CCDC171: variants seen among roughly 807,000 people sequenced by gnomAD.
The protein encoded by CCDC171 is coiled-coil domain containing 171, also known as coiled-coil domain-containing protein 171.
Under a neutral mutation model 168.2 loss-of-function variants are expected in CCDC171, and 177 were observed. The observed-to-expected ratio is 1.05, with a 90% CI of 0.93 to 1.19. The LOEUF (loss-of-function observed/expected upper bound fraction) is 1.19, where lower values mean the gene tolerates loss of function less well. CCDC171 is among the 50% of genes most tolerant of loss of function. CCDC171 has a pLI of 0.00. For synonymous variants in CCDC171, 687 were observed against 540.8 expected (o/e 1.27, Z -3.75); for missense variants, 1,991 against 1,539.0 (o/e 1.29, Z -4.91).
At chr9:15,692,403 G>C (rs186348268) in intron 10 of CCDC171, among the ~76,000 whole-genome samples, 1 of 147,194 alleles carries the variant, frequency 6.8e-6, no homozygotes, top group Non-Finnish European at 1.5e-5. Context: ...TTGTTTGTTG[G>C]CTTATTTACT....
At chr9:15,956,666 G>T (rs1244854725) in intron 25 of CCDC171, among the ~76,000 whole-genome samples, 3 of 152,080 alleles carry the variant, frequency 2.0e-5, no homozygotes, top group African/African-American at 4.8e-5. Flanking sequence ...TTCAAAAAAG[G>T]ATTAAAATTT....
At chr9:15,555,239 G>C (rs1473604148) in intron 1 of CCDC171, among the ~76,000 whole-genome samples, 1 of 152,050 alleles carries the variant, frequency 6.6e-6, no homozygotes, top group East Asian at 1.9e-4. Flanking sequence ...ATCTATTTTA[G>C]TAGGAATGGT....
chr9:15,766,260 C>G (rs1244615715), intron 18 of CCDC171, among the ~76,000 whole-genome samples: 3 of 152,092 alleles, frequency 2.0e-5, no homozygotes, highest in Non-Finnish European at 2.9e-5. Flanking sequence ...TCCCTTGTCT[C>G]TCACCCAGGA....
intron 23 of CCDC171, chr9:15,850,398 A>G (rs1047943946): frequency 3.9e-5 from 6 of 152,028 alleles, no homozygotes; most frequent in Non-Finnish European, 8.8e-5. Flanking sequence ...CAGGATGATT[A>G]TAATCATACA....
chr9:16,008,290 A>G (rs377262586), intron 3 of CCDC171, among the ~76,000 whole-genome samples: 1 of 152,038 alleles, frequency 6.6e-6, no homozygotes, highest in Non-Finnish European at 1.5e-5. Context: ...AATCTTTTGC[A>G]TGTGGTTATC....
At chr9:16,075,471 C>T in the CCDC171 span, among the ~76,000 whole-genome samples, 1 of 152,126 alleles carries the variant, frequency 6.6e-6, no homozygotes, top group African/African-American at 2.4e-5. Context: ...GTAAGTTGCT[C>T]AGCCTGTTAT....
chr9:16,082,385 G>A, the CCDC171 span, among the ~76,000 whole-genome samples: 1 of 152,188 alleles, frequency 6.6e-6, no homozygotes, highest in Non-Finnish European at 1.5e-5. Context: ...GAGTTTCCAA[G>A]TTTTAGATGT....
At position 15,624,127 on chromosome 9, in the gene CCDC171, CACTT is replaced by C. The variant is rs555705438; in HGVS notation, c.822+716_822+719del. 1.1e-4 allele frequency among the ~76,000 whole-genome samples: 17 copies of C among 152,128 alleles called. 1 individual carries two copies. The highest frequency in any genetic ancestry group is 3.9e-4 in the African/African-American group (16 of 41,512). The stretch of plus-strand genomic sequence containing the variant: ...TTAACACTTATTAAACTCACTGTGT[CACTT>C]AACACTGTTAAGAACAGCAATAAGG... On this transcript the variant is annotated intron_variant, in intron 7 of 25. Coordinates refer to ENST00000380701, the MANE Select transcript of CCDC171 (RefSeq NM_173550.4).
chr9:15,930,447 A>G (rs560287088), intron 25 of CCDC171, among the ~76,000 whole-genome samples: 1 of 151,744 alleles, frequency 6.6e-6, no homozygotes, highest in East Asian at 1.9e-4. Context: ...AAAGAAGAAC[A>G]TTCTTTTCAA....
chr9:15,705,091 GACAC>G lies in CCDC171; in HGVS notation c.1318+9781_1318+9784del, dbSNP rs3082789. 2.1e-3 allele frequency among the ~76,000 whole-genome samples: 314 copies of G among 147,752 alleles called. 1 individual carries two copies. The highest frequency in any genetic ancestry group is 3.1e-3 in the African/African-American group (126 of 40,228). On this transcript the variant is annotated intron_variant, in intron 11 of 25. Coordinates refer to ENST00000380701, the MANE Select transcript of CCDC171 (RefSeq NM_173550.4). ...GCTAATAGATCTTAAGTATCCTTACGACACACACACACACACACACACACACACA... is the reference window on the plus strand; with the variant it reads ...GCTAATAGATCTTAAGTATCCTTACGACACACACACACACACACACACACA...
chr9:15,909,127 C>G (rs1277028190), intron 24 of CCDC171, among the ~76,000 whole-genome samples: 1 of 152,118 alleles, frequency 6.6e-6, no homozygotes, highest in Non-Finnish European at 1.5e-5. Context: ...ATATTTCTTT[C>G]ACTATGTAAC....
chr9:15,872,608 C>G (rs569110165), intron 23 of CCDC171, among the ~76,000 whole-genome samples: 4 of 152,088 alleles, frequency 2.6e-5, no homozygotes, highest in African/African-American at 4.8e-5. Flanking sequence ...CGCAGTTAAA[C>G]TTGACTTTCA....
At chr9:15,864,182 G>C (rs1368931983) in intron 23 of CCDC171, among the ~76,000 whole-genome samples, 1 of 151,890 alleles carries the variant, frequency 6.6e-6, no homozygotes, top group East Asian at 1.9e-4. Flanking sequence ...CTAGTTTTAT[G>C]GAACGACTAG....
chr9:15,606,072 C>T (rs548917354), intron 6 of CCDC171, among the ~76,000 whole-genome samples: 11 of 152,138 alleles, frequency 7.2e-5, no homozygotes, highest in African/African-American at 2.4e-4. Context: ...AACGATGTAA[C>T]TAATAATAGA....
chr9:15,877,897 T>G (rs993878360), intron 24 of CCDC171, among the ~76,000 whole-genome samples: 3 of 152,184 alleles, frequency 2.0e-5, no homozygotes, highest in Non-Finnish European at 2.9e-5. Context: ...TATTTGTGTT[T>G]TCATTTCGAT....
At chr9:15,581,855 C>G (rs1479480745) in intron 4 of CCDC171, among the ~76,000 whole-genome samples, 1 of 152,052 alleles carries the variant, frequency 6.6e-6, no homozygotes, top group African/African-American at 2.4e-5. Flanking sequence ...CAATACCATT[C>G]AGGACATAGG....
At chr9:15,935,997 C>G (rs984914678) in intron 25 of CCDC171, among the ~76,000 whole-genome samples, 1 of 151,962 alleles carries the variant, frequency 6.6e-6, no homozygotes, top group African/African-American at 2.4e-5. Flanking sequence ...ACAACTTAGG[C>G]TGGCAATTTA....
At chr9:15,694,313 A>C (rs1177643360) in intron 10 of CCDC171, among the ~76,000 whole-genome samples, 1 of 152,108 alleles carries the variant, frequency 6.6e-6, no homozygotes, top group African/African-American at 2.4e-5. Context: ...GATTTACACC[A>C]ATTATATTCA....
chr9:15,631,391 C>T (rs1229952970), intron 7 of CCDC171, among the ~76,000 whole-genome samples: 2 of 152,170 alleles, frequency 1.3e-5, no homozygotes. Context: ...ATAGTATAAA[C>T]ACCTCTACGC....
Sources: gnomAD v4.1 joint callset for allele counts (sites outside exome capture counted in the v4.1 genomes callset) on GRCh38, gnomAD v4.1.1 for gene constraint, MANE v1.5 for transcripts, NCBI Gene and HGNC (gene_info 2026-07-23, HGNC 2026-07-21) for gene names.